BRWD3: variants seen among roughly 807,000 people sequenced by gnomAD.
BRWD3 encodes the protein bromodomain and WD repeat domain containing 3.
BRWD3 carries 10 observed loss-of-function variants against 149.7 expected under a neutral mutation model. The ratio of observed to expected loss-of-function variants is 0.07; its 90% CI spans 0.04 to 0.11. The LOEUF (loss-of-function observed/expected upper bound fraction) is 0.11. Among genes scored for constraint, BRWD3 ranks in the 10% least tolerant of loss-of-function variants. The pLI, the probability that BRWD3 is intolerant of heterozygous loss-of-function variation, is 1.00. For synonymous variants in BRWD3, 504 were observed against 456.7 expected (o/e 1.10, Z -1.32); for missense variants, 940 against 1,373.2 (o/e 0.68, Z 4.99).
At chrX:80,713,036 C>T (rs1332102463) in intron 20 of BRWD3, among the ~76,000 whole-genome samples, 15 of 108,494 alleles carry the variant, frequency 1.4e-4, no homozygotes, top group Non-Finnish European at 2.9e-4. Context: ...CAGCCCCCCG[C>T]CCGGCCAGCT....
chrX:80,798,900 C>T (rs760610549), intron 4 of BRWD3, among the ~76,000 whole-genome samples: 1 of 112,165 alleles, frequency 8.9e-6, no homozygotes, highest in Non-Finnish European at 1.9e-5. Flanking sequence ...CCACACCTTA[C>T]AGAAGAGAAA....
At chrX:80,753,084 T>C (rs1287063575) in intron 6 of BRWD3, among the ~76,000 whole-genome samples, 2 of 111,870 alleles carry the variant, frequency 1.8e-5, no homozygotes, top group Admixed American at 9.5e-5. Flanking sequence ...GTTGAGTTCC[T>C]TGTATATTTT....
chrX:80,684,722 T>A (rs765227841), intron 36 of BRWD3, among the ~76,000 whole-genome samples: 61 of 111,493 alleles, frequency 5.5e-4, no homozygotes, highest in African/African-American at 1.9e-3. Context: ...TTCATTTGAT[T>A]TTGATTAGGG....
At position 80,723,853 on chromosome X, in the gene BRWD3, C is replaced by T. The variant is rs747105347; in HGVS notation, c.1545G>A (p.Ala515=). The T allele has an allele frequency of 5.8e-6, 7 of 1,209,419 alleles. No homozygotes were observed. The highest frequency in any genetic ancestry group is 5.9e-5 in the East Asian group (2 of 33,753). ...CTGGTGAAAATTTACAATCAAACACCGCACCATGGCCTTGGCCTTCAATCT... is the reference window on the plus strand; with the variant it reads ...CTGGTGAAAATTTACAATCAAACACTGCACCATGGCCTTGGCCTTCAATCT... The part of the protein sequence containing the change: ...FNMIEGQGHG[A]VFDCKFSPDG... The change falls in exon 16 of 41, where the codon GCG becomes GCA. Residue 515 remains alanine, a synonymous_variant. Coordinates refer to ENST00000373275, the MANE Select transcript of BRWD3 (RefSeq NM_153252.5).
intron 4 of BRWD3, among the ~76,000 whole-genome samples, chrX:80,802,310 C>T (rs967625123): frequency 2.8e-5 from 3 of 108,563 alleles, no homozygotes; most frequent in Admixed American, 9.9e-5. Context: ...GGTCTGGTGG[C>T]GCACGCCTAT....
At chrX:80,760,733 T>A (rs2147812361) in intron 6 of BRWD3, among the ~76,000 whole-genome samples, 1 of 112,234 alleles carries the variant, frequency 8.9e-6, no homozygotes, top group South Asian at 3.7e-4. Flanking sequence ...AAAGATGTGA[T>A]TCTTTTCTTA....
At chrX:80,753,681 T>C (rs1450690217) in intron 6 of BRWD3, among the ~76,000 whole-genome samples, 1 of 111,952 alleles carries the variant, frequency 8.9e-6, no homozygotes, top group East Asian at 2.8e-4. Flanking sequence ...TTTTAATTCA[T>C]CTTGAGTTGA....
rs2073863346 is a variant in BRWD3, at chrX:80,766,798, A to C, written c.431-21069T>G. Among the ~76,000 whole-genome samples, 4 of 112,280 alleles carry C rather than the reference A, an allele frequency of 3.6e-5. No individual in the cohort carries two copies. The South Asian group carries it at 1.5e-3, about 41-fold the overall frequency. Reference sequence around the variant, plus strand: ...CAGCCCTCGGAGGGCGAGTGGAAGCAGGGTGGGGCACTGCCTCACGCCGGA... The same window carrying C: ...CAGCCCTCGGAGGGCGAGTGGAAGCCGGGTGGGGCACTGCCTCACGCCGGA... On this transcript the variant is annotated intron_variant, in intron 6 of 40. Transcript: ENST00000373275.
intron 14 of BRWD3, among the ~76,000 whole-genome samples, chrX:80,725,601 A>C (rs957704833): frequency 1.8e-4 from 20 of 112,627 alleles, no homozygotes; most frequent in Non-Finnish European, 2.6e-4. Context: ...AAAGAAATTA[A>C]GTTTGAAAAC....
At chrX:80,749,546 C>T (rs940707696) in intron 6 of BRWD3, among the ~76,000 whole-genome samples, 5 of 110,858 alleles carry the variant, frequency 4.5e-5, no homozygotes, top group Admixed American at 3.9e-4. Flanking sequence ...ACATATTTTC[C>T]ATCTCTCCAT....
chrX:80,794,271 C>T (rs772708059), intron 4 of BRWD3, among the ~76,000 whole-genome samples: 3 of 111,110 alleles, frequency 2.7e-5, no homozygotes, highest in South Asian at 3.8e-4. Context: ...TTTTAGAGGC[C>T]GAGGCAGGTG....
chrX:80,684,178 T>C lies in BRWD3; in HGVS notation c.4081-16A>G. 5 of 1,178,936 alleles carry C rather than the reference T, an allele frequency of 4.2e-6. No homozygotes were observed. The South Asian group carries it at 7.1e-5, about 17-fold the overall frequency. On this transcript the variant is annotated splice_polypyrimidine_tract_variant and intron_variant, in intron 36 of 40. Transcript: ENST00000373275. ...CTTGATAATCCTACAAAGAAGAATGTGTTATTAAATACTGTATAGCAATAT... is the reference window on the plus strand; with the variant it reads ...CTTGATAATCCTACAAAGAAGAATGCGTTATTAAATACTGTATAGCAATAT...
intron 2 of BRWD3, 39 bp from the exon 3 acceptor site, chrX:80,809,081 G>T: frequency 8.5e-7 from 1 of 1,175,037 alleles, no homozygotes; most frequent in East Asian, 3.1e-5. Context: ...GAGCAGCTCG[G>T]GCCATCAACC....
Position 80,673,126 on chromosome X carries a change from C to CTT in BRWD3, c.*3481_*3482dup, listed in dbSNP as rs2072335681. ...CAAAAAGATAAATAACAGAAACGTA[C>CTT]TTAAAAGTATTAGAAGGCTGAGTTA... On this transcript the variant is annotated 3_prime_UTR_variant, in exon 41 of 41. Coordinates refer to ENST00000373275, the MANE Select transcript of BRWD3 (RefSeq NM_153252.5). The CTT allele has an allele frequency of 1.8e-5, 2 of 111,504 alleles. No homozygotes were observed. Among genetic ancestry groups the CTT allele is most frequent in the Admixed American group, 9.5e-5 (1 of 10,499 alleles). 9.2% of individuals were successfully genotyped at this position (111,504 alleles called of 1,213,427 possible).
At chrX:80,709,402 C>G in intron 21 of BRWD3, 26 bp downstream of exon 21, 1 of 1,182,361 alleles carries the variant, frequency 8.5e-7, no homozygotes, top group Non-Finnish European at 1.1e-6. Flanking sequence ...AAAACTACAT[C>G]AAATAAATAA....
chrX:80,808,670 C>G (rs991906546), intron 3 of BRWD3, 72 bp from the exon 4 acceptor site: 24 of 962,096 alleles, frequency 2.5e-5, no homozygotes, highest in Non-Finnish European at 3.5e-5. Flanking sequence ...TCCCCATCAA[C>G]TGGACCCAAC....
In BRWD3 at chrX:80,725,831, A is replaced by G. The variant is rs756191311; in HGVS notation, c.1387-764T>C. ...GTGTTACATGCCTATATAACATAAC[A>G]TGTTTACATGTGTTACATGCCTATA... On this transcript the variant is annotated intron_variant, in intron 14 of 40. Coordinates refer to ENST00000373275, the MANE Select transcript of BRWD3 (RefSeq NM_153252.5). Among the ~76,000 whole-genome samples, 14 of 101,779 alleles carry G rather than the reference A, an allele frequency of 1.4e-4. 1 individual carries two copies. Among genetic ancestry groups the G allele is most frequent in the Admixed American group, 1.3e-3 (13 of 9,669 alleles). The allele number at this position is 101,779 out of a possible 115,157, so 88.4% of individuals were successfully genotyped here. A position where few individuals can be genotyped will look rare whatever the true frequency, so the allele number is the denominator to read the frequency against.
intron 34 of BRWD3, 60 bp from the exon 35 acceptor site, chrX:80,687,063 A>G (rs1274723065): frequency 2.9e-6 from 3 of 1,033,441 alleles, no homozygotes; most frequent in Non-Finnish European, 4.0e-6. Flanking sequence ...TGATTTTCTC[A>G]TAAGTCCCTA....
intron 40 of BRWD3, among the ~76,000 whole-genome samples, chrX:80,681,026 T>C (rs2072440080): frequency 9.9e-6 from 1 of 100,715 alleles, no homozygotes; most frequent in Non-Finnish European, 2.0e-5. Flanking sequence ...TCCAGGTTGA[T>C]CTCGATCTCC....
Sources: allele counts gnomAD v4.1 joint callset (sites outside exome capture counted in the v4.1 genomes callset), GRCh38; gene constraint gnomAD v4.1.1; transcripts MANE v1.5; gene names NCBI Gene and HGNC (gene_info 2026-07-23, HGNC 2026-07-21).